Variants in RFX8 observed in about 807,000 individuals in gnomAD.
RFX8 encodes the protein DNA-binding protein RFX8.
In RFX8, 46 loss-of-function variants were observed where a neutral mutation model predicts 54.6. The observed-to-expected ratio is 0.84, with a 90% confidence interval of 0.67 to 1.08. The LOEUF is 1.08. RFX8 is among the 50% of genes least tolerant of loss of function. The probability of loss-of-function intolerance (pLI) is 0.00; values close to 1 mark genes in which losing one functional copy is unlikely to be tolerated. For missense variants in RFX8, 536 were observed against 562.3 expected (o/e 0.95, Z 0.47); for synonymous variants, 192 against 209.5 (o/e 0.92, Z 0.72).
At chr2:101,459,693 G>T (rs1157598697) in intron 2 of RFX8, among the ~76,000 whole-genome samples, 2 of 152,184 alleles carry the variant, frequency 1.3e-5, no homozygotes, top group Non-Finnish European at 2.9e-5. Context: ...GGGGGTCAGG[G>T]ATCCACTTAA....
At chr2:101,460,402 A>G (rs1689202415) in intron 2 of RFX8, among the ~76,000 whole-genome samples, 1 of 151,814 alleles carries the variant, frequency 6.6e-6, no homozygotes, top group Non-Finnish European at 1.5e-5. Flanking sequence ...TTCACTTTTT[A>G]TTATCCATTT....
chr2:101,470,359 G>A (rs1196101334), intron 1 of RFX8, among the ~76,000 whole-genome samples: 2 of 152,202 alleles, frequency 1.3e-5, no homozygotes, highest in African/African-American at 2.4e-5. Flanking sequence ...CCTGCTGTAG[G>A]TGAGCCTGAC....
chr2:101,443,583 T>C (rs923473621), intron 2 of RFX8, among the ~76,000 whole-genome samples: 1 of 152,082 alleles, frequency 6.6e-6, no homozygotes, highest in Non-Finnish European at 1.5e-5. Context: ...CAGACAAGGA[T>C]AGAAGAGCTC....
intron 2 of RFX8, among the ~76,000 whole-genome samples, chr2:101,426,556 C>T (rs1467473424): frequency 2.0e-5 from 3 of 151,996 alleles, no homozygotes; most frequent in Admixed American, 6.6e-5. Flanking sequence ...TGCATAATGA[C>T]AAATATGTAT....
intron 2 of RFX8, among the ~76,000 whole-genome samples, chr2:101,459,538 A>AAAGGCT (rs1689157189): frequency 1.3e-5 from 2 of 152,200 alleles, no homozygotes; most frequent in African/African-American, 4.8e-5. Flanking sequence ...GGGTATCACC[A>AAAGGCT]GCAGAGGCTG....
At chr2:101,413,307 C>T (rs1452609341) in intron 7 of RFX8, among the ~76,000 whole-genome samples, 1 of 152,198 alleles carries the variant, frequency 6.6e-6, no homozygotes, top group East Asian at 1.9e-4. Context: ...TCAGGGCTGT[C>T]TGGCACTGCT....
rs192014516 is a variant in RFX8, at chr2:101,424,873, G to A, written c.73-2401C>T. ...ACACACCAGGGCCCGTCAGGGGGTC[G>A]GGGCCTGGGGGAGGGATAGCATTAG... is the stretch of plus-strand genomic sequence containing the variant. On this transcript the variant is annotated intron_variant, in intron 2 of 11. Transcript: ENST00000428343. Among the ~76,000 whole-genome samples the A allele has an allele frequency of 7.0e-3, 1,072 of 152,212 alleles. 13 individuals carry two copies. Among genetic ancestry groups the A allele is most frequent in the Middle Eastern group, 0.024 (7 of 294 alleles).
Position 101,410,663 on chromosome 2 carries a change from A to G in RFX8, c.769T>C (p.Phe257Leu). ...LLGTSTDLRVFLSCLSSHLQA... is the reference protein window; with the variant it reads ...LLGTSTDLRVLLSCLSSHLQA... ...AGATGTGAAGACAGACAGCTGAGGA[A>G]TACCCTGAGATCTGTTGATGTTCCC... Residue 257 changes from phenylalanine (F) to leucine (L), a missense_variant, in exon 9 of 12, where the codon TTC becomes CTC. Phe to Leu is a conservative substitution (Grantham distance 22). Transcript: ENST00000428343. 6.5e-7 allele frequency: 1 copy of G among 1,547,878 alleles called. No homozygotes were observed. The highest frequency in any genetic ancestry group is 2.4e-5 in the East Asian group (1 of 40,866).
intron 2 of RFX8, among the ~76,000 whole-genome samples, chr2:101,440,226 AT>A (rs1327866917): frequency 6.6e-6 from 1 of 152,112 alleles, no homozygotes; most frequent in Non-Finnish European, 1.5e-5. Context: ...CAGAAAAGAG[AT>A]AACACTGCAG....
Position 101,417,597 on chromosome 2 carries a change from T to C in RFX8, c.439A>G (p.Lys147Glu), listed in dbSNP as rs1262003203. 2 of 1,551,812 alleles carry C rather than the reference T, an allele frequency of 1.3e-6. No homozygotes were observed. Among genetic ancestry groups the C allele is most frequent in the Admixed American group, 3.9e-5 (2 of 50,968 alleles). ...KSVQLFSKKF[K>E]LWLLNALEGV... ...TCCAAAGCATTAAGGAGCCACAGCT[T>C]AAATTTCTTACTAAATAACTGCACA... The change falls in exon 6 of 12, where the codon AAG (lysine) becomes GAG (glutamate). Residue 147 changes from lysine to glutamate, a missense_variant. Lys to Glu is a moderately conservative substitution (Grantham distance 56). Transcript: ENST00000428343.
intron 2 of RFX8, among the ~76,000 whole-genome samples, chr2:101,442,397 C>A (rs189284936): frequency 9.9e-4 from 151 of 152,260 alleles, no homozygotes; most frequent in African/African-American, 3.3e-3. Flanking sequence ...GAAAAACTTT[C>A]TTTAGCTGAT....
chr2:101,410,601 TAA>T lies in RFX8; in HGVS notation c.813+16_813+17del. 7.4e-7 allele frequency: 1 copy of T among 1,343,778 alleles called. No homozygotes were observed. The highest frequency in any genetic ancestry group is 1.5e-5 in the African/African-American group (1 of 67,362). The allele number at this position is 1,343,778 out of a possible 1,614,324, so 83.2% of individuals were successfully genotyped here. ...ATGGTCAACACACTTTTTTTTTTTT[TAA>T]GTCACAGCTTCCTACCTGGAACACA... is the stretch of plus-strand genomic sequence containing the variant. On this transcript the variant is annotated intron_variant, in intron 9 of 11. Transcript: ENST00000428343.
intron 1 of RFX8, among the ~76,000 whole-genome samples, chr2:101,467,270 T>C (rs1689626489): frequency 6.6e-6 from 1 of 152,202 alleles, no homozygotes; most frequent in African/African-American, 2.4e-5. Flanking sequence ...TGGAGAATTA[T>C]TTATTCCACT....
At chr2:101,408,707 T>G (rs1685906520) in intron 9 of RFX8, among the ~76,000 whole-genome samples, 1 of 152,246 alleles carries the variant, frequency 6.6e-6, no homozygotes, top group Non-Finnish European at 1.5e-5. Context: ...TCTGGGATAA[T>G]TATTTTCAAG....
rs533259163 is a variant in RFX8, at chr2:101,449,183, G to A, written c.72+17594C>T. 6.5e-5 allele frequency among the ~76,000 whole-genome samples: 4 copies of A among 61,758 alleles called. No homozygotes were observed. In the East Asian group the frequency reaches 1.4e-3, roughly 21 times the overall value. The allele number at this position is 61,758 out of a possible 152,430, so 40.5% of individuals were successfully genotyped here. A position where few individuals can be genotyped will look rare whatever the true frequency, so the allele number is the denominator to read the frequency against. On this transcript the variant is annotated intron_variant, in intron 2 of 11. Coordinates refer to ENST00000428343, the MANE Select transcript of RFX8 (RefSeq NM_001145664.2). ...TATGGTTGATATTGGGGAGAAATAG[G>A]CAACACACGGTTGGAAAGTGGAGTC... is the stretch of plus-strand genomic sequence containing the variant.
At chr2:101,446,456 G>A (rs192996514) in intron 2 of RFX8, among the ~76,000 whole-genome samples, 256 of 151,878 alleles carry the variant, frequency 1.7e-3, no homozygotes, top group African/African-American at 5.4e-3. Context: ...TTACAGGCCT[G>A]AGCCACCGCT....
chr2:101,469,068 A>ATATATATACGTATATATATACG (rs1689786522), intron 1 of RFX8, among the ~76,000 whole-genome samples: 2 of 17,424 alleles, frequency 1.1e-4, no homozygotes, highest in African/African-American at 5.5e-4. Context: ...ATATATATGT[A>ATATATATACGTATATATATACG]TATATATATA....
intron 2 of RFX8, among the ~76,000 whole-genome samples, chr2:101,460,840 G>A (rs568282043): frequency 2.0e-5 from 3 of 151,366 alleles, no homozygotes; most frequent in Admixed American, 6.6e-5. Flanking sequence ...TCTTCCTGCA[G>A]GAAGTCCACA....
chr2:101,426,321 A>G (rs1181898503), intron 2 of RFX8, among the ~76,000 whole-genome samples: 1 of 152,020 alleles, frequency 6.6e-6, no homozygotes, highest in Non-Finnish European at 1.5e-5. Context: ...GCAACATAGT[A>G]AGAGCCTGTC....
Sources: allele counts gnomAD v4.1 joint callset (sites outside exome capture counted in the v4.1 genomes callset), GRCh38; gene constraint gnomAD v4.1.1; transcripts MANE v1.5; gene names NCBI Gene and HGNC (gene_info 2026-07-23, HGNC 2026-07-21).